Variants in ABR observed in about 807,000 individuals in gnomAD.
ABR encodes the protein ABR activator of RhoGEF and GTPase.
Under a neutral mutation model 107.2 loss-of-function variants are expected in ABR, and 35 were observed. The observed-to-expected ratio is 0.33, with a 90% CI of 0.25 to 0.43. The LOEUF (loss-of-function observed/expected upper bound fraction) is 0.43, where lower values mean the gene tolerates loss of function less well. ABR is among the 20% of genes least tolerant of loss of function. ABR has a pLI of 1.00. For synonymous variants in ABR, 498 were observed against 462.0 expected (o/e 1.08, Z -1.00); for missense variants, 815 against 1,115.2 (o/e 0.73, Z 3.83).
intron 8 of ABR, 42 bp downstream of exon 8, chr17:1,072,572 T>C (rs1198125771): frequency 1.9e-6 from 3 of 1,567,930 alleles, no homozygotes; most frequent in East Asian, 4.6e-5. Context: ...GACCTGATAC[T>C]TCTCAGCCTG....
At chr17:1,194,145 T>C (rs2042499104) in intron 1 of ABR, among the ~76,000 whole-genome samples, 2 of 152,086 alleles carry the variant, frequency 1.3e-5, no homozygotes, top group Non-Finnish European at 2.9e-5. Context: ...CTGGAGGATC[T>C]CTGGTGGCAA....
At chr17:1,215,252 C>T (rs1310307259) in intron 1 of ABR, among the ~76,000 whole-genome samples, 2 of 151,204 alleles carry the variant, frequency 1.3e-5, no homozygotes, top group African/African-American at 4.9e-5. Context: ...AGAGCTCTCC[C>T]TCTCCCTCTC....
At position 1,070,438 on chromosome 17, in the gene ABR, G is replaced by C. The variant is rs576608517; in HGVS notation, c.895-348C>G. Among the ~76,000 whole-genome samples, 7 of 152,124 alleles carry C rather than the reference G, an allele frequency of 4.6e-5. No homozygotes were observed. Among genetic ancestry groups the C allele is most frequent in the African/African-American group, 1.7e-4 (7 of 41,418 alleles). ...GGCACATTAAGTGTGTGCAACGCACGGGGCTCTCCGCGGCTAACCCTGGAG... is the reference window on the plus strand; with the variant it reads ...GGCACATTAAGTGTGTGCAACGCACCGGGCTCTCCGCGGCTAACCCTGGAG... On this transcript the variant is annotated intron_variant, in intron 8 of 22. Coordinates refer to ENST00000302538, the MANE Select transcript of ABR (RefSeq NM_021962.5). This position sits in a 1 kb window ranked among gnomAD's most constrained non-coding sequence, Gnocchi z 4.2.
At chr17:1,067,344 A>T in intron 9 of ABR, 102 bp from the exon 10 acceptor site, 1 of 1,141,042 alleles carries the variant, frequency 8.8e-7, no homozygotes, top group Non-Finnish European at 1.2e-6. Flanking sequence ...GGGTTGACTG[A>T]GAACTCGCCA....
intron 1 of ABR, among the ~76,000 whole-genome samples, chr17:1,161,114 A>G (rs572156390): frequency 1.3e-5 from 2 of 148,500 alleles, no homozygotes; most frequent in African/African-American, 5.0e-5. Flanking sequence ...CCCAGCACCT[A>G]TCCTGGGAAG....
At chr17:1,021,145 C>T (rs1413489697) in intron 16 of ABR, among the ~76,000 whole-genome samples, 1 of 152,202 alleles carries the variant, frequency 6.6e-6, no homozygotes, top group Non-Finnish European at 1.5e-5. Context: ...TAGAACTGGC[C>T]ACTGGGGGTC....
upstream of ABR, among the ~76,000 whole-genome samples, chr17:1,182,845 G>A (rs2042178740): frequency 6.6e-6 from 1 of 152,194 alleles, no homozygotes; most frequent in South Asian, 2.1e-4. Flanking sequence ...TCTCAGGAAA[G>A]GGCAGTCACT....
At chr17:1,152,597 A>G (rs1423118045) in intron 1 of ABR, among the ~76,000 whole-genome samples, 1 of 152,054 alleles carries the variant, frequency 6.6e-6, no homozygotes, top group Non-Finnish European at 1.5e-5. Context: ...GTCTCAAAAA[A>G]AAAAAAAGAC....
intron 4 of ABR, among the ~76,000 whole-genome samples, chr17:1,090,038 G>A (rs1022140340): frequency 6.6e-6 from 1 of 152,214 alleles, no homozygotes; most frequent in African/African-American, 2.4e-5. Flanking sequence ...TGCTCACTAC[G>A]AGGACTGGCA....
intron 4 of ABR, among the ~76,000 whole-genome samples, chr17:1,088,385 G>T (rs2440030): frequency 0.71 from 107,490 of 151,134 alleles, 38,218 homozygotes; most frequent in East Asian, 0.8. Context: ...GGAGCAGGGG[G>T]GGGTATGCTA....
intron 10 of ABR, among the ~76,000 whole-genome samples, chr17:1,061,153 G>A (rs958886878): frequency 3.3e-5 from 5 of 152,202 alleles, no homozygotes; most frequent in African/African-American, 4.8e-5. Flanking sequence ...TGAGGCACCC[G>A]GCACACCCCA....
intron 1 of ABR, among the ~76,000 whole-genome samples, chr17:1,135,603 C>T (rs1277054105): frequency 1.3e-5 from 2 of 152,026 alleles, no homozygotes; most frequent in Non-Finnish European, 1.5e-5. Context: ...AGGCCAGGTG[C>T]GGTGTCTCAC....
At chr17:1,132,240 C>T (rs979466583) in intron 1 of ABR, among the ~76,000 whole-genome samples, 2 of 151,896 alleles carry the variant, frequency 1.3e-5, no homozygotes, top group South Asian at 2.1e-4. Context: ...CACACATACA[C>T]ATATATATAT....
At chr17:1,066,726 G>A (rs2151149838) in intron 10 of ABR, among the ~76,000 whole-genome samples, 1 of 151,862 alleles carries the variant, frequency 6.6e-6, no homozygotes, top group East Asian at 1.9e-4. Context: ...ACAGGGTTTT[G>A]CCATGTTGGC....
intron 1 of ABR, among the ~76,000 whole-genome samples, chr17:1,175,034 T>A (rs28714335): frequency 6.6e-6 from 1 of 151,590 alleles, no homozygotes; most frequent in South Asian, 2.1e-4. Flanking sequence ...AAAATAAAAA[T>A]AAAAAAATAA....
chr17:1,125,113 C>T (rs2039531816), intron 2 of ABR, 70 bp downstream of exon 2: 2 of 1,473,104 alleles, frequency 1.4e-6, no homozygotes, highest in African/African-American at 1.4e-5. Context: ...CCAAGCAGGG[C>T]CTGGCCCACG....
chr17:1,213,066 C>T (rs980757036), intron 1 of ABR, among the ~76,000 whole-genome samples: 1 of 152,196 alleles, frequency 6.6e-6, no homozygotes, highest in African/African-American at 2.4e-5. Flanking sequence ...TCTAACCACG[C>T]ACAGAGCTTT....
chr17:1,088,020 G>A (rs749336961), intron 4 of ABR, among the ~76,000 whole-genome samples: 4 of 152,216 alleles, frequency 2.6e-5, no homozygotes, highest in Non-Finnish European at 5.9e-5. Context: ...TCTCAGTAAC[G>A]AATAATCAAA....
intron 18 of ABR, chr17:1,012,272 G>A (rs754559396): frequency 7.7e-6 from 5 of 650,606 alleles, no homozygotes; most frequent in Non-Finnish European, 1.4e-5. Context: ...TCAGATGCTT[G>A]TAGGAGGCCC....
Sources: allele counts gnomAD v4.1 joint callset (sites outside exome capture counted in the v4.1 genomes callset), GRCh38; gene constraint gnomAD v4.1.1; non-coding constraint Gnocchi (gnomAD v3.1); transcripts MANE v1.5; gene names NCBI Gene and HGNC (gene_info 2026-07-23, HGNC 2026-07-21).